The following CSRNP3 variants were observed in gnomAD, a reference collection of about 807,000 sequenced individuals.
CSRNP3 encodes cysteine and serine rich nuclear protein 3, also known as cysteine/serine-rich nuclear protein 3.
In CSRNP3, 12 loss-of-function variants were observed where a neutral mutation model predicts 48.0. The ratio of observed to expected loss-of-function variants is 0.25; its 90% CI spans 0.16 to 0.41. CSRNP3 has a LOEUF of 0.41. Ranked by LOEUF, CSRNP3 falls within the 10% of genes least tolerant of loss-of-function variation. CSRNP3 has a pLI of 1.00. For synonymous variants in CSRNP3, 263 were observed against 269.7 expected (o/e 0.98, Z 0.24); for missense variants, 580 against 724.4 (o/e 0.80, Z 2.29).
rs1687649674 is a variant in CSRNP3, at chr2:165,687,540, C to A, written c.*7787C>A. 1 of 151,896 alleles carries A rather than the reference C, an allele frequency of 6.6e-6. No individual in the cohort carries two copies. Among genetic ancestry groups the A allele is most frequent in the South Asian group, 2.1e-4 (1 of 4,824 alleles). The allele number at this position is 151,896 out of a possible 1,614,324, so 9.4% of individuals were successfully genotyped here. ...TTAATCTTTCCTTGGCTTAAAATGACAAATAAGAATCCAAAGTTTTTCCAC... is the reference window on the plus strand; with the variant it reads ...TTAATCTTTCCTTGGCTTAAAATGAAAAATAAGAATCCAAAGTTTTTCCAC... On this transcript the variant is annotated 3_prime_UTR_variant, in exon 7 of 7. Transcript: ENST00000651982.
At chr2:165,492,923 C>T in intron 1 of CSRNP3, among the ~76,000 whole-genome samples, 1 of 139,498 alleles carries the variant, frequency 7.2e-6, no homozygotes, top group Non-Finnish European at 1.5e-5. Flanking sequence ...AAGGATGATA[C>T]TCAAATTCCC....
intron 4 of CSRNP3, among the ~76,000 whole-genome samples, chr2:165,637,315 T>C (rs1289889459): frequency 6.6e-6 from 1 of 152,236 alleles, no homozygotes; most frequent in African/African-American, 2.4e-5. Flanking sequence ...TTAATTTGTC[T>C]GGGTCTTTAT....
intron 4 of CSRNP3, among the ~76,000 whole-genome samples, chr2:165,616,501 A>G (rs1686247328): frequency 6.6e-6 from 1 of 152,118 alleles, no homozygotes; most frequent in African/African-American, 2.4e-5. Context: ...TAAATAATTT[A>G]TTTCTCTTTC....
In CSRNP3 at chr2:165,679,579, A is replaced by T; in HGVS notation, c.1584A>T (p.Gln528His). ...CTGAACACAGGTCCAATCACCCTCA[A>T]GTGGAATTTCACTCATACTTGAAAG... The part of the protein sequence containing the change: ...LYPEHRSNHP[Q>H]VEFHSYLKGP... Residue 528 changes from glutamine (Q) to histidine (H), a missense_variant, in exon 7 of 7, where the codon CAA becomes CAT. Transcript: ENST00000651982. 6.2e-7 allele frequency: 1 copy of T among 1,614,044 alleles called. No homozygotes were observed. Among genetic ancestry groups the T allele is most frequent in the Non-Finnish European group, 8.5e-7 (1 of 1,180,008 alleles).
chr2:165,549,933 G>A, intron 3 of CSRNP3, among the ~76,000 whole-genome samples: 1 of 152,144 alleles, frequency 6.6e-6, no homozygotes, highest in East Asian at 1.9e-4. Flanking sequence ...TGGTTTTTCT[G>A]TAGTCTGTTG....
chr2:165,521,289 T>C (rs1465167509), intron 3 of CSRNP3, among the ~76,000 whole-genome samples: 1 of 152,110 alleles, frequency 6.6e-6, no homozygotes, highest in African/African-American at 2.4e-5. Flanking sequence ...CCCAAACCAA[T>C]ATTGAGCTTT....
At chr2:165,663,420 T>G (rs1687129623) in intron 5 of CSRNP3, among the ~76,000 whole-genome samples, 2 of 152,164 alleles carry the variant, frequency 1.3e-5, no homozygotes, top group African/African-American at 4.8e-5. Context: ...TAACATCAAA[T>G]GGAAAACTTT....
chr2:165,587,211 T>C (rs1685647201), intron 3 of CSRNP3, among the ~76,000 whole-genome samples: 1 of 152,360 alleles, frequency 6.6e-6, no homozygotes, highest in Middle Eastern at 3.4e-3. Context: ...AACATGCTTA[T>C]TTAATGTTTT....
In CSRNP3 at chr2:165,512,890, G is replaced by A. The variant is rs185635405; in HGVS notation, c.-112-4983G>A. Among the ~76,000 whole-genome samples the A allele has an allele frequency of 3.9e-5, 6 of 152,326 alleles. No homozygotes were observed. The East Asian group carries it at 7.7e-4, about 20-fold the overall frequency. ...GAGGCCAAGGAGGGAGGATCACAAG[G>A]TCAGGAGATTGAGACAATCCTGGCT... On this transcript the variant is annotated intron_variant, in intron 2 of 6. Transcript: ENST00000651982.
At chr2:165,472,763 T>C (rs1242863981) in intron 1 of CSRNP3, among the ~76,000 whole-genome samples, 3 of 152,106 alleles carry the variant, frequency 2.0e-5, no homozygotes, top group Non-Finnish European at 2.9e-5. Flanking sequence ...TTTATTTTCA[T>C]AATATTAACC....
chr2:165,485,135 T>C (rs1574796935), intron 1 of CSRNP3, among the ~76,000 whole-genome samples: 1 of 152,170 alleles, frequency 6.6e-6, no homozygotes, highest in African/African-American at 2.4e-5. Context: ...CTGATAGATA[T>C]TGTGTCTATC....
intron 1 of CSRNP3, among the ~76,000 whole-genome samples, chr2:165,492,382 G>A (rs1240718489): frequency 6.6e-6 from 1 of 152,078 alleles, no homozygotes; most frequent in Non-Finnish European, 1.5e-5. Context: ...ACACAGTCTA[G>A]CCCTGAAGAC....
At chr2:165,500,153 CT>C (rs1429283926) in intron 2 of CSRNP3, among the ~76,000 whole-genome samples, 2 of 151,324 alleles carry the variant, frequency 1.3e-5, no homozygotes, top group African/African-American at 2.4e-5. Context: ...GCTAAAAGCA[CT>C]AGATGTTTCC....
In CSRNP3 at chr2:165,687,507, CCTT is replaced by C. The variant is rs1687649325; in HGVS notation, c.*7757_*7759del. On this transcript the variant is annotated 3_prime_UTR_variant, in exon 7 of 7. Transcript: ENST00000651982. The stretch of plus-strand genomic sequence containing the variant: ...CTACATTCTTACTTCTAAGTAATGA[CCTT>C]CTCATTAATCTTTCCTTGGCTTAAA... The C allele has an allele frequency of 1.3e-5, 2 of 152,064 alleles. No individual in the cohort carries two copies. The highest frequency in any genetic ancestry group is 4.1e-4 in the South Asian group (2 of 4,826). The allele number at this position is 152,064 out of a possible 1,614,324, so 9.4% of individuals were successfully genotyped here.
intron 4 of CSRNP3, among the ~76,000 whole-genome samples, chr2:165,622,263 T>C (rs1686353194): frequency 1.3e-5 from 2 of 152,326 alleles, no homozygotes; most frequent in Admixed American, 6.5e-5. Context: ...TTCTCTGTAA[T>C]TTTCGTTTGG....
At chr2:165,627,430 T>C (rs535846500) in intron 4 of CSRNP3, among the ~76,000 whole-genome samples, 36 of 152,320 alleles carry the variant, frequency 2.4e-4, no homozygotes, top group Admixed American at 1.9e-3. Context: ...CAGGCAGCTT[T>C]TCTGAGTTCT....
At chr2:165,629,752 A>G (rs1321989084) in intron 4 of CSRNP3, among the ~76,000 whole-genome samples, 1 of 152,228 alleles carries the variant, frequency 6.6e-6, no homozygotes, top group Non-Finnish European at 1.5e-5. Context: ...CAGAACCATC[A>G]GTAAACTGTG....
chr2:165,491,895 A>G (rs1433410682), intron 1 of CSRNP3, among the ~76,000 whole-genome samples: 1 of 144,712 alleles, frequency 6.9e-6, no homozygotes, highest in African/African-American at 2.5e-5. Context: ...GCACATGTAT[A>G]CATATGTAAC....
At chr2:165,569,898 A>C (rs922546570) in intron 3 of CSRNP3, among the ~76,000 whole-genome samples, 3 of 151,976 alleles carry the variant, frequency 2.0e-5, no homozygotes, top group Non-Finnish European at 4.4e-5. Context: ...ATTAGAAAAA[A>C]AAAATCACCT....
Sources: allele counts gnomAD v4.1 joint callset (sites outside exome capture counted in the v4.1 genomes callset), GRCh38; gene constraint gnomAD v4.1.1; transcripts MANE v1.5; gene names NCBI Gene and HGNC (gene_info 2026-07-23, HGNC 2026-07-21).